SWAP70: variants seen among roughly 807,000 people sequenced by gnomAD.
The protein encoded by SWAP70 is switching B cell complex subunit SWAP70, also known as switch-associated protein 70.
SWAP70 carries 34 observed loss-of-function variants against 80.2 expected under a neutral mutation model. The observed-to-expected ratio is 0.42, with a 90% confidence interval of 0.32 to 0.56. The LOEUF (loss-of-function observed/expected upper bound fraction) is 0.56, where lower values mean the gene tolerates loss of function less well. Ranked by LOEUF, SWAP70 falls within the 20% of genes least tolerant of loss-of-function variation. The probability of loss-of-function intolerance (pLI) is 0.09; values close to 1 mark genes in which losing one functional copy is unlikely to be tolerated. For synonymous variants in SWAP70, 239 were observed against 238.5 expected (o/e 1.00, Z -0.02); for missense variants, 578 against 690.7 (o/e 0.84, Z 1.83).
intron 4 of SWAP70, among the ~76,000 whole-genome samples, chr11:9,726,375 C>T (rs1851225879): frequency 6.6e-6 from 1 of 152,004 alleles, no homozygotes; most frequent in Admixed American, 6.5e-5. Flanking sequence ...TTCTTTCTTC[C>T]ATAGGTAATA....
intron 2 of SWAP70, among the ~76,000 whole-genome samples, chr11:9,697,709 A>G (rs984211442): frequency 6.6e-6 from 1 of 152,194 alleles, no homozygotes; most frequent in Non-Finnish European, 1.5e-5. Flanking sequence ...CAGCCTCACA[A>G]TACAAGTTCC....
At chr11:9,715,288 A>T (rs1565124636) in intron 3 of SWAP70, among the ~76,000 whole-genome samples, 3 of 152,166 alleles carry the variant, frequency 2.0e-5, no homozygotes, top group East Asian at 3.9e-4. Flanking sequence ...CTAAAAGGGA[A>T]TTTTTTAAAA....
intron 1 of SWAP70, among the ~76,000 whole-genome samples, chr11:9,677,819 T>A (rs1415918922): frequency 2.2e-5 from 3 of 134,882 alleles, no homozygotes; most frequent in Non-Finnish European, 3.3e-5. Flanking sequence ...ATGAAAAAAA[T>A]TTTGATGAAC....
At chr11:9,725,455 G>A (rs1031509063) in intron 4 of SWAP70, among the ~76,000 whole-genome samples, 8 of 144,568 alleles carry the variant, frequency 5.5e-5, no homozygotes, top group African/African-American at 1.0e-4. Flanking sequence ...AGGCTGAGGC[G>A]GGTGGATCAC....
In SWAP70 at chr11:9,748,535, C is replaced by T. The variant is rs570734937; in HGVS notation, c.1554+479C>T. 9.2e-5 allele frequency among the ~76,000 whole-genome samples: 14 copies of T among 152,330 alleles called. No homozygotes were observed. In the East Asian group the frequency reaches 2.5e-3, roughly 27 times the overall value. ...CCAGCAAAGCTCACTGGGAGGCCAC[C>T]GGCAAAAGCTGCCCACAGGGAGGTG... On this transcript the variant is annotated intron_variant, in intron 10 of 11. Transcript: ENST00000318950.
intron 7 of SWAP70, among the ~76,000 whole-genome samples, chr11:9,737,396 T>C (rs1851376564): frequency 6.6e-6 from 1 of 152,256 alleles, no homozygotes; most frequent in Non-Finnish European, 1.5e-5. Context: ...TTCTCCATTT[T>C]AGAATGTCCT....
intron 1 of SWAP70, among the ~76,000 whole-genome samples, chr11:9,692,302 C>T (rs1440130116): frequency 6.6e-6 from 1 of 150,888 alleles, no homozygotes; most frequent in African/African-American, 2.4e-5. Flanking sequence ...AAACTTAATA[C>T]AAAGAAGAGC....
chr11:9,665,220 T>C (rs1009028661), intron 1 of SWAP70, among the ~76,000 whole-genome samples: 1 of 152,188 alleles, frequency 6.6e-6, no homozygotes, highest in Admixed American at 6.5e-5. Context: ...ATTCTGAAGA[T>C]TGGGTTTGTT....
intron 9 of SWAP70, among the ~76,000 whole-genome samples, chr11:9,743,293 C>A (rs1408939905): frequency 6.6e-6 from 1 of 150,610 alleles, no homozygotes; most frequent in African/African-American, 2.5e-5. Context: ...TTCATCCAGT[C>A]TATCATTGTT....
intron 2 of SWAP70, 26 bp from the exon 3 acceptor site, chr11:9,713,440 T>TG: frequency 1.3e-6 from 2 of 1,598,176 alleles, no homozygotes; most frequent in Non-Finnish European, 1.7e-6. Flanking sequence ...ACTGATTTGT[T>TG]GGAGTTTTTC....
At chr11:9,730,017 G>A (rs765807817) in intron 6 of SWAP70, among the ~76,000 whole-genome samples, 1 of 152,178 alleles carries the variant, frequency 6.6e-6, no homozygotes, top group Admixed American at 6.5e-5. Context: ...TTCTGCTACA[G>A]TGATATATTG....
chr11:9,668,698 A>C (rs1850338130), intron 1 of SWAP70, among the ~76,000 whole-genome samples: 1 of 152,188 alleles, frequency 6.6e-6, no homozygotes, highest in Admixed American at 6.6e-5. Context: ...ATGTCAAATA[A>C]TTGATTTGTT....
At chr11:9,712,735 CTTTTTT>C (rs71034736) in intron 2 of SWAP70, among the ~76,000 whole-genome samples, 2 of 132,174 alleles carry the variant, frequency 1.5e-5, no homozygotes. Context: ...TATCTTCTTC[CTTTTTT>C]TTTTTTTTTT....
intron 2 of SWAP70, among the ~76,000 whole-genome samples, chr11:9,701,756 T>C (rs1286142574): frequency 1.4e-5 from 2 of 143,602 alleles, no homozygotes; most frequent in East Asian, 4.0e-4. Flanking sequence ...AGTGAATAAT[T>C]GAAGAAAGTG....
chr11:9,709,147 A>G (rs1296474344), intron 2 of SWAP70, among the ~76,000 whole-genome samples: 3 of 151,776 alleles, frequency 2.0e-5, no homozygotes, highest in African/African-American at 2.4e-5. Flanking sequence ...CCCCTCAGAC[A>G]GAGTCTCACT....
intron 1 of SWAP70, among the ~76,000 whole-genome samples, chr11:9,676,810 C>T (rs139332588): frequency 0.051 from 7,681 of 151,900 alleles, 253 homozygotes; most frequent in Middle Eastern, 0.088. Context: ...CCACCACGCC[C>T]GGCTAATTTT....
chr11:9,692,405 C>T (rs78389553), intron 1 of SWAP70, among the ~76,000 whole-genome samples: 1,877 of 151,686 alleles, frequency 0.012, 42 homozygotes, highest in African/African-American at 0.042. Context: ...AATTTCTTTT[C>T]TTCCTCCCTT....
chr11:9,708,153 T>C (rs1850947697), intron 2 of SWAP70, among the ~76,000 whole-genome samples: 2 of 152,234 alleles, frequency 1.3e-5, no homozygotes, highest in Non-Finnish European at 2.9e-5. Flanking sequence ...TTTGGATATA[T>C]ATCCAGACGT....
chr11:9,701,233 G>A (rs930787301), intron 2 of SWAP70, among the ~76,000 whole-genome samples: 1 of 151,356 alleles, frequency 6.6e-6, no homozygotes, highest in Admixed American at 6.6e-5. Context: ...GTGTGATGGT[G>A]GAATCTTGGC....
Sources: gnomAD v4.1 joint callset for allele counts (sites outside exome capture counted in the v4.1 genomes callset) on GRCh38, gnomAD v4.1.1 for gene constraint, MANE v1.5 for transcripts, NCBI Gene and HGNC (gene_info 2026-07-23, HGNC 2026-07-21) for gene names.